The following SYNJ1 variants were observed in gnomAD, a reference collection of about 807,000 sequenced individuals.
SYNJ1 encodes the protein polyphosphatidylinositol phosphatase SYNJ1.
In SYNJ1, 78 loss-of-function variants were observed where a neutral mutation model predicts 168.2. The ratio of observed to expected loss-of-function variants is 0.46; its 90% CI spans 0.39 to 0.56. The LOEUF (loss-of-function observed/expected upper bound fraction) is 0.56, where lower values mean the gene tolerates loss of function less well. Among genes scored for constraint, SYNJ1 ranks in the 20% least tolerant of loss-of-function variants. The probability of loss-of-function intolerance (pLI) is 0.00; values close to 1 mark genes in which losing one functional copy is unlikely to be tolerated. For synonymous variants in SYNJ1, 539 were observed against 548.6 expected (o/e 0.98, Z 0.24); for missense variants, 1,303 against 1,597.6 (o/e 0.82, Z 3.14).
At chr21:32,727,774 C>A in intron 1 of SYNJ1, 172 bp downstream of exon 1, 1 of 1,354,442 alleles carries the variant, frequency 7.4e-7, no homozygotes, top group Non-Finnish European at 9.7e-7. Context: ...CCCGCACAAC[C>A]AGTGGTCTGC....
rs112225294 is a variant in SYNJ1 at position 32,638,741 on chromosome 21, CAT to C, written c.3915+165_3915+166del. ...CACAAACAACAACAAAAAACCCAAACATATATATATATATACACATATATATG... is the reference window on the plus strand; with the variant it reads ...CACAAACAACAACAAAAAACCCAAACATATATATATATACACATATATATG... On this transcript the variant is annotated intron_variant, in intron 31 of 32. Transcript: ENST00000674351. Among the ~76,000 whole-genome samples the C allele has an allele frequency of 1.5e-4, 23 of 149,664 alleles. 1 individual carries two copies. The highest frequency in any genetic ancestry group is 3.4e-4 in the African/African-American group (14 of 40,910).
intron 11 of SYNJ1, among the ~76,000 whole-genome samples, chr21:32,679,004 T>G (rs2041521171): frequency 6.6e-6 from 1 of 152,156 alleles, no homozygotes; most frequent in African/African-American, 2.4e-5. Context: ...GGATTAAAGC[T>G]CTGCACAAAG....
chr21:32,664,483 A>C (rs1219759983), intron 18 of SYNJ1, among the ~76,000 whole-genome samples: 2 of 150,190 alleles, frequency 1.3e-5, no homozygotes, highest in Non-Finnish European at 3.0e-5. Flanking sequence ...GATTTCAGAC[A>C]TTGTATGGAA....
At chr21:32,632,200 C>G (rs2039357791) in intron 32 of SYNJ1, among the ~76,000 whole-genome samples, 1 of 152,146 alleles carries the variant, frequency 6.6e-6, no homozygotes, top group Admixed American at 6.5e-5. Context: ...AATTCTAACA[C>G]CCATCTATGA....
intron 29 of SYNJ1, among the ~76,000 whole-genome samples, chr21:32,640,541 C>T (rs955727679): frequency 9.9e-5 from 15 of 152,196 alleles, no homozygotes; most frequent in South Asian, 2.1e-4. Flanking sequence ...ATGATCCACC[C>T]GCCTCGGCCT....
chr21:32,632,297 C>A (rs1010365537), intron 32 of SYNJ1, among the ~76,000 whole-genome samples: 1 of 151,970 alleles, frequency 6.6e-6, no homozygotes, highest in Non-Finnish European at 1.5e-5. Flanking sequence ...AAAATTAATT[C>A]TATTAGCATA....
At chr21:32,688,021 G>A (rs2041891810) in intron 7 of SYNJ1, among the ~76,000 whole-genome samples, 1 of 151,828 alleles carries the variant, frequency 6.6e-6, no homozygotes, top group East Asian at 1.9e-4. Flanking sequence ...CATCTCAACT[G>A]AGACTAGTCA....
In SYNJ1 at chr21:32,639,028, G is replaced by A. The variant is rs2039706343; in HGVS notation, c.3795C>T (p.Val1265=). The A allele has an allele frequency of 6.2e-7, 1 of 1,614,116 alleles. No homozygotes were observed. The highest frequency in any genetic ancestry group is 1.3e-5 in the African/African-American group (1 of 75,050). ...PPAQRLQEPL[V]PVAAPMPQSG... is the part of the protein sequence containing the mutation. ...ACTGAGGCATAGGTGCTGCCACAGG[G>A]ACAAGAGGCTCTTGCAACCTTTGAG... Residue 1265 remains valine (V), a synonymous_variant, in exon 31 of 33, where the codon GTC becomes GTT. Coordinates refer to ENST00000674351, the MANE Select transcript of SYNJ1 (RefSeq NM_203446.3).
chr21:32,710,571 C>A (rs1042120182), intron 2 of SYNJ1, among the ~76,000 whole-genome samples: 1 of 151,954 alleles, frequency 6.6e-6, no homozygotes, highest in African/African-American at 2.4e-5. Context: ...CTCACCCAAG[C>A]CTGAGTGCAG....
At chr21:32,705,608 G>A (rs189669400) in intron 2 of SYNJ1, among the ~76,000 whole-genome samples, 22 of 152,188 alleles carry the variant, frequency 1.4e-4, no homozygotes, top group African/African-American at 5.3e-4. Flanking sequence ...AGTCTCATGA[G>A]GAATGGGCAA....
In SYNJ1 at chr21:32,688,370, T is replaced by C. The variant is rs1202098882; in HGVS notation, c.790-3A>G. On this transcript the variant is annotated splice_region_variant and splice_polypyrimidine_tract_variant and intron_variant, in intron 6 of 32. Transcript: ENST00000674351. Reference sequence around the variant, plus strand: ...ATACGGACACGATGAGATCCCACCTTAGACAAGAAAAATATATTTAATCAA... The same window carrying C: ...ATACGGACACGATGAGATCCCACCTCAGACAAGAAAAATATATTTAATCAA... The C allele has an allele frequency of 1.2e-6, 2 of 1,612,136 alleles. No homozygotes were observed. The highest frequency in any genetic ancestry group is 1.7e-6 in the Non-Finnish European group (2 of 1,179,320).
intron 2 of SYNJ1, among the ~76,000 whole-genome samples, chr21:32,713,980 A>G (rs1255496320): frequency 6.6e-6 from 1 of 152,248 alleles, no homozygotes; most frequent in African/African-American, 2.4e-5. Context: ...GCTCTCTGGT[A>G]TGCTAGTAAT....
At chr21:32,724,568 G>A (rs1489264827) in intron 2 of SYNJ1, among the ~76,000 whole-genome samples, 1 of 152,210 alleles carries the variant, frequency 6.6e-6, no homozygotes, top group Admixed American at 6.5e-5. Context: ...AGAATGCACT[G>A]AAATTCAGGG....
chr21:32,665,476 T>C (rs1014993878), intron 17 of SYNJ1, among the ~76,000 whole-genome samples: 3 of 152,200 alleles, frequency 2.0e-5, no homozygotes, highest in African/African-American at 7.2e-5. Context: ...AAAATGCAGA[T>C]TCACTGAGCC....
rs1313394499 is a variant in SYNJ1 at position 32,685,791 on chromosome 21, G to C, written c.1075C>G (p.Leu359Val). 4.3e-6 allele frequency: 7 copies of C among 1,609,732 alleles called. No individual in the cohort carries two copies. The highest frequency in any genetic ancestry group is 5.9e-6 in the Non-Finnish European group (7 of 1,178,408). ...SVLKPQVQKF[L>V]DYGFFYFNGS... The stretch of plus-strand genomic sequence containing the variant: ...TTGAAATAAAAAAATCCATAATCTA[G>C]AAACTTCTGGACTTGAGGTTTAAGA... The change falls in exon 9 of 33, where the codon CTA becomes GTA. Residue 359 changes from leucine (L) to valine (V), a missense_variant. Physicochemically the swap from Leu to Val is conservative, Grantham distance 32. Around this residue, in one of 2 missense-constraint regions of SYNJ1, gnomAD observed 920 missense variants for 1,208.8 expected, o/e 0.76. Transcript: ENST00000674351.
intron 1 of SYNJ1, among the ~76,000 whole-genome samples, chr21:32,727,220 T>G (rs1008849620): frequency 6.6e-6 from 1 of 152,220 alleles, no homozygotes; most frequent in Admixed American, 6.5e-5. Context: ...GGAAAAATTT[T>G]GAGCGTATTT....
At chr21:32,671,660 C>T (rs896728134) in intron 14 of SYNJ1, among the ~76,000 whole-genome samples, 9 of 152,182 alleles carry the variant, frequency 5.9e-5, no homozygotes, top group African/African-American at 2.2e-4. Context: ...TAGGTCAGCT[C>T]TGAGGATTAA....
intron 32 of SYNJ1, 108 bp from the exon 33 acceptor site, chr21:32,631,909 A>T: frequency 9.5e-7 from 1 of 1,056,684 alleles, no homozygotes; most frequent in South Asian, 1.9e-5. Context: ...ATGTAAATTT[A>T]GAAACTAAAA....
intron 17 of SYNJ1, among the ~76,000 whole-genome samples, chr21:32,665,582 C>T (rs1437127314): frequency 6.6e-6 from 1 of 152,208 alleles, no homozygotes; most frequent in Non-Finnish European, 1.5e-5. Flanking sequence ...GCCCCCACTT[C>T]GAGTTGTCCT....
Sources: gnomAD v4.1 joint callset for allele counts (sites outside exome capture counted in the v4.1 genomes callset) on GRCh38, gnomAD v4.1.1 for gene constraint, gnomAD v4.1.1 regional missense constraint, MANE v1.5 for transcripts, NCBI Gene and HGNC (gene_info 2026-07-23, HGNC 2026-07-21) for gene names.